Variants in CDH23 observed in about 807,000 individuals in gnomAD.
CDH23 encodes cadherin related 23.
A neutral mutation model predicts 317.1 loss-of-function variants in CDH23; 189 were observed. The ratio of observed to expected loss-of-function variants is 0.60; its 90% CI spans 0.53 to 0.67. The LOEUF is 0.67. Ranked by LOEUF, CDH23 falls within the 30% of genes least tolerant of loss-of-function variation. The pLI is 0.00. For missense variants in CDH23, 4,401 were observed against 4,592.4 expected, an observed-to-expected ratio of 0.96 and a Z score of 1.20; for synonymous variants, 1,839 against 1,876.8, an observed-to-expected ratio of 0.98 and a Z score of 0.52.
chr10:71,782,425 A>T (rs942832839), intron 41 of CDH23, among the ~76,000 whole-genome samples: 1 of 152,246 alleles, frequency 6.6e-6, no homozygotes, highest in Non-Finnish European at 1.5e-5. Context: ...TCAGATGAGA[A>T]CATCAAGGCA....
In CDH23 at chr10:71,812,628, GGCA is replaced by G. The variant is rs1370604287; in HGVS notation, c.9510+20_9510+22del. On this transcript the variant is annotated intron_variant, in intron 67 of 69. Coordinates refer to ENST00000224721, the MANE Select transcript of CDH23 (RefSeq NM_022124.6). ...CACCCATGTGAGCCAGAGGCGGTCA[GGCA>G]TCACAAGGGGCAGGGGTGGAGGGGC... The G allele has an allele frequency of 1.2e-6, 2 of 1,602,064 alleles. No individual in the cohort carries two copies. The highest frequency in any genetic ancestry group is 3.1e-5 in the African/African-American group (2 of 65,082).
chr10:71,646,698 G>A (rs749956789), intron 14 of CDH23, 81 bp downstream of exon 14: 3 of 1,613,142 alleles, frequency 1.9e-6, no homozygotes, highest in South Asian at 1.1e-5. Context: ...TTTGTCCAAG[G>A]GACCTCAGCA....
chr10:71,778,015 G>A, intron 39 of CDH23, 114 bp downstream of exon 39: 1 of 1,428,928 alleles, frequency 7.0e-7, no homozygotes, highest in South Asian at 1.3e-5. Flanking sequence ...GGGAAACTGT[G>A]GGGGCACTCA....
Position 71,708,629 on chromosome 10 carries a change from G to A in CDH23, c.3107-469G>A, listed in dbSNP as rs1482465577. ...TCGCTCCTCAGCCCATCTCACCTCC[G>A]AGATGAGGGGCCTGGGGGATGCTCA... On this transcript the variant is annotated intron_variant, in intron 26 of 69. Transcript: ENST00000224721. Among the ~76,000 whole-genome samples the A allele has an allele frequency of 2.0e-5, 3 of 152,152 alleles. No individual in the cohort carries two copies. The South Asian group carries it at 6.2e-4, about 32-fold the overall frequency.
chr10:71,808,894 C>T (rs1841824867), intron 60 of CDH23, among the ~76,000 whole-genome samples: 1 of 152,172 alleles, frequency 6.6e-6, no homozygotes, highest in African/African-American at 2.4e-5. Flanking sequence ...CATTTTGACC[C>T]CTTCTTTGCC....
chr10:71,671,151 G>A (rs1352282735), intron 14 of CDH23, among the ~76,000 whole-genome samples: 2 of 151,854 alleles, frequency 1.3e-5, no homozygotes, highest in Admixed American at 1.3e-4. Flanking sequence ...ATAGAGATGG[G>A]GTTTCACCAT....
chr10:71,791,376 C>T (rs377242800), intron 47 of CDH23, 41 bp downstream of exon 47: 94 of 1,564,354 alleles, frequency 6.0e-5, no homozygotes, highest in Middle Eastern at 1.7e-4. Context: ...AACCAGGGGC[C>T]GGTTGGTGGT....
intron 19 of CDH23, among the ~76,000 whole-genome samples, chr10:71,688,301 G>T (rs1229189439): frequency 6.6e-6 from 1 of 152,238 alleles, no homozygotes; most frequent in Non-Finnish European, 1.5e-5. Flanking sequence ...TCCTAGCAAA[G>T]AAAACGCCCA....
chr10:71,463,589 G>A (rs2132067272), intron 3 of CDH23, among the ~76,000 whole-genome samples: 1 of 152,290 alleles, frequency 6.6e-6, no homozygotes, highest in South Asian at 2.1e-4. Context: ...GGAGGGTGGG[G>A]GAAGTTAGTA....
chr10:71,448,465 G>A (rs1427340549), intron 3 of CDH23, among the ~76,000 whole-genome samples: 1 of 152,192 alleles, frequency 6.6e-6, no homozygotes, highest in Non-Finnish European at 1.5e-5. Context: ...ATTGAGAGGG[G>A]GCTCAGTGAG....
At position 71,445,477 on chromosome 10, in the gene CDH23, C is replaced by A. The variant is rs117242845; in HGVS notation, c.68-841C>A. Among the ~76,000 whole-genome samples, 34 of 152,322 alleles carry A rather than the reference C, an allele frequency of 2.2e-4. No individual in the cohort carries two copies. The East Asian group carries it at 6.6e-3, about 29-fold the overall frequency. ...TTGCAGAGCTCATATTCTGCTAGAGCCACACTGCCCAATAGAAAGACAATG... is the reference window on the plus strand; with the variant it reads ...TTGCAGAGCTCATATTCTGCTAGAGACACACTGCCCAATAGAAAGACAATG... On this transcript the variant is annotated intron_variant, in intron 2 of 69. Coordinates refer to ENST00000224721, the MANE Select transcript of CDH23 (RefSeq NM_022124.6).
At chr10:71,689,298 C>G (rs1014682338) in intron 19 of CDH23, among the ~76,000 whole-genome samples, 2 of 152,022 alleles carry the variant, frequency 1.3e-5, no homozygotes, top group Non-Finnish European at 2.9e-5. Flanking sequence ...CTGGGTACCA[C>G]TCTGGCACCT....
At chr10:71,467,591 A>T (rs1457533036) in intron 3 of CDH23, among the ~76,000 whole-genome samples, 2 of 152,132 alleles carry the variant, frequency 1.3e-5, no homozygotes, top group Non-Finnish European at 2.9e-5. Flanking sequence ...ACAGGAGCTG[A>T]CTGGGGGGTT....
At chr10:71,806,127 T>TC (rs1169151034) in intron 56 of CDH23, 41 bp from the exon 57 acceptor site, 1 of 1,539,364 alleles carries the variant, frequency 6.5e-7, no homozygotes, top group Non-Finnish European at 8.8e-7. Flanking sequence ...GCCAATCCCC[T>TC]CTCCCAGTCT....
At chr10:71,642,393 C>CTTTTTTTTTTT in intron 11 of CDH23, among the ~76,000 whole-genome samples, 1 of 85,426 alleles carries the variant, frequency 1.2e-5, no homozygotes, top group Non-Finnish European at 2.1e-5. Flanking sequence ...GGCCCGGCCT[C>CTTTTTTTTTTT]TTTTTTTTTT....
rs761623919 is a variant in CDH23, at chr10:71,645,869, C to T, written c.1179C>T (p.Asn393=). The change falls in exon 13 of 70, where the codon AAC becomes AAT. Residue 393 remains asparagine (N), a synonymous_variant. Coordinates refer to ENST00000224721, the MANE Select transcript of CDH23 (RefSeq NM_022124.6). The part of the protein sequence containing the change: ...NSMFEVYLVG[N]NSHHFIISPT... ...TGTTTGAGGTGTACTTGGTGGGGAA[C>T]AACTCCCACCACTTCATCATCTCCC... 1 of 1,613,114 alleles carries T rather than the reference C, an allele frequency of 6.2e-7. No individual in the cohort carries two copies. The highest frequency in any genetic ancestry group is 1.1e-5 in the South Asian group (1 of 91,026).
intron 14 of CDH23, among the ~76,000 whole-genome samples, chr10:71,665,963 A>C (rs1019844654): frequency 1.3e-5 from 2 of 152,238 alleles, no homozygotes; most frequent in Non-Finnish European, 2.9e-5. Context: ...AGACTGATTG[A>C]GAGATATTCT....
chr10:71,457,152 G>A (rs966091618), intron 3 of CDH23, among the ~76,000 whole-genome samples: 1 of 152,216 alleles, frequency 6.6e-6, no homozygotes, highest in East Asian at 1.9e-4. Context: ...ATAGGCTGAA[G>A]CTGGAGGGGA....
chr10:71,589,915 A>G (rs1376556796), intron 9 of CDH23, among the ~76,000 whole-genome samples: 5 of 152,248 alleles, frequency 3.3e-5, no homozygotes, highest in African/African-American at 4.8e-5. Context: ...TAAACCCATG[A>G]GACTGTCCTA....
Sources: gnomAD v4.1 joint callset for allele counts (sites outside exome capture counted in the v4.1 genomes callset) on GRCh38, gnomAD v4.1.1 for gene constraint, MANE v1.5 for transcripts, NCBI Gene and HGNC (gene_info 2026-07-23, HGNC 2026-07-21) for gene names.